SCML2: variants seen among roughly 807,000 people sequenced by gnomAD.
SCML2 encodes Scm polycomb group protein like 2, also known as sex comb on midleg-like protein 2.
Under a neutral mutation model 48.4 loss-of-function variants are expected in SCML2, and 6 were observed. That is an observed-to-expected ratio of 0.12 (90% CI 0.07 to 0.24). The LOEUF (loss-of-function observed/expected upper bound fraction) is 0.24. Ranked by LOEUF, SCML2 falls within the 10% of genes least tolerant of loss-of-function variation. The probability of loss-of-function intolerance (pLI) is 1.00; values close to 1 mark genes in which losing one functional copy is unlikely to be tolerated. For missense variants in SCML2, 377 were observed against 528.2 expected (o/e 0.71, Z 2.81); for synonymous variants, 181 against 189.5 (o/e 0.95, Z 0.37).
At chrX:18,299,517 C>CAAA (rs750111438) in intron 7 of SCML2, among the ~76,000 whole-genome samples, 1 of 89,654 alleles carries the variant, frequency 1.1e-5, no homozygotes, top group Non-Finnish European at 2.2e-5. Context: ...GACTCCGTCT[C>CAAA]AAAAAAAAAA....
intron 6 of SCML2, among the ~76,000 whole-genome samples, chrX:18,313,747 T>C (rs1929032133): frequency 8.9e-6 from 1 of 112,218 alleles, no homozygotes; most frequent in Non-Finnish European, 1.9e-5. Flanking sequence ...TCACTATATG[T>C]TTGTTATTTT....
chrX:18,349,342 C>T (rs1930298795), intron 1 of SCML2, among the ~76,000 whole-genome samples: 1 of 112,447 alleles, frequency 8.9e-6, no homozygotes, highest in South Asian at 3.6e-4. Flanking sequence ...TTACTCACAG[C>T]TTATTCTATA....
chrX:18,279,564 G>A (rs1020068566), intron 7 of SCML2, among the ~76,000 whole-genome samples: 28 of 112,238 alleles, frequency 2.5e-4, no homozygotes, highest in Middle Eastern at 4.6e-3. Flanking sequence ...ATCCGGATGC[G>A]CAAGGAGGCT....
At position 18,239,887 on chromosome X, in the gene SCML2, CAGG is replaced by C. The variant is rs1301360808; in HGVS notation, c.*1361_*1363del. 1 of 111,625 alleles carries C rather than the reference CAGG, an allele frequency of 9.0e-6. No homozygotes were observed. Among genetic ancestry groups the C allele is most frequent in the Non-Finnish European group, 1.9e-5 (1 of 53,185 alleles). The allele number at this position is 111,625 out of a possible 1,213,427, so 9.2% of individuals were successfully genotyped here. A position where few individuals can be genotyped will look rare whatever the true frequency, so the allele number is the denominator to read the frequency against. On this transcript the variant is annotated 3_prime_UTR_variant, in exon 15 of 15. Coordinates refer to ENST00000251900, the MANE Select transcript of SCML2 (RefSeq NM_006089.3). ...TGGTGCATTCCTGTAATCGCTGAGGCAGGAGAATTGCTTGAACCAGGGAGGCGA... is the reference window on the plus strand; with the variant it reads ...TGGTGCATTCCTGTAATCGCTGAGGCAGAATTGCTTGAACCAGGGAGGCGA...
intron 7 of SCML2, among the ~76,000 whole-genome samples, chrX:18,290,861 C>T (rs2147509062): frequency 9.0e-6 from 1 of 111,170 alleles, no homozygotes; most frequent in Non-Finnish European, 1.9e-5. Context: ...CTGGATTATC[C>T]TGTCTTGCTC....
At chrX:18,290,532 T>C (rs1270228206) in intron 7 of SCML2, among the ~76,000 whole-genome samples, 4 of 111,331 alleles carry the variant, frequency 3.6e-5, no homozygotes, top group Non-Finnish European at 5.6e-5. Context: ...CAGACCAGTG[T>C]AGGTCATTAA....
intron 1 of SCML2, among the ~76,000 whole-genome samples, chrX:18,344,142 C>T (rs1174963362): frequency 1.8e-5 from 2 of 108,740 alleles, no homozygotes; most frequent in African/African-American, 6.7e-5. Flanking sequence ...AAGACCAGCC[C>T]GGGCAACATA....
intron 13 of SCML2, among the ~76,000 whole-genome samples, chrX:18,243,815 T>C (rs1356138259): frequency 1.8e-5 from 2 of 112,027 alleles, no homozygotes; most frequent in Non-Finnish European, 3.8e-5. Context: ...CTTAACTCCC[T>C]AAAGTTAGTG....
chrX:18,276,096 C>T (rs757995696), intron 7 of SCML2, among the ~76,000 whole-genome samples: 24 of 111,569 alleles, frequency 2.2e-4, no homozygotes, highest in East Asian at 5.6e-4. Context: ...GTCAGGAGTT[C>T]GAGATCAGCC....
In SCML2 at chrX:18,324,040, A is replaced by C; in HGVS notation, c.216T>G (p.Arg72=). The part of the protein sequence containing the change: ...DFKVGMKLEA[R]DPRNATSVCI... The stretch of plus-strand genomic sequence containing the variant: ...ATACTGAAGTGGCATTGCGAGGGTC[A>C]CGGGCTTCCAATTTCATACCAACTT... The change falls in exon 5 of 15, where the codon CGT becomes CGG. Residue 72 remains arginine (R), a synonymous_variant. Transcript: ENST00000251900. The C allele has an allele frequency of 8.3e-7, 1 of 1,210,831 alleles. No individual in the cohort carries two copies.
chrX:18,322,684 A>T (rs1222076591), intron 5 of SCML2, among the ~76,000 whole-genome samples: 1 of 111,379 alleles, frequency 9.0e-6, no homozygotes, highest in Non-Finnish European at 1.9e-5. Context: ...ACCTGAGGTC[A>T]GGAGTTTGAG....
At chrX:18,285,114 A>G (rs1460585988) in intron 7 of SCML2, among the ~76,000 whole-genome samples, 2 of 111,077 alleles carry the variant, frequency 1.8e-5, no homozygotes, top group Admixed American at 9.6e-5. Flanking sequence ...TGGTGGGGAC[A>G]TAAATTAGTT....
At chrX:18,307,319 G>T (rs1488124095) in intron 6 of SCML2, among the ~76,000 whole-genome samples, 3 of 111,227 alleles carry the variant, frequency 2.7e-5, no homozygotes, top group African/African-American at 9.8e-5. Context: ...AAGCTGGCAA[G>T]TCAAAAGGTA....
At chrX:18,263,722 G>A (rs1458179520) in intron 8 of SCML2, among the ~76,000 whole-genome samples, 1 of 110,558 alleles carries the variant, frequency 9.0e-6, no homozygotes, top group East Asian at 2.8e-4. Flanking sequence ...CTTTATTAAG[G>A]TATAATTGAC....
intron 5 of SCML2, among the ~76,000 whole-genome samples, chrX:18,321,582 CAG>C (rs1423456906): frequency 2.7e-4 from 23 of 84,346 alleles, no homozygotes; most frequent in African/African-American, 1.1e-3. Context: ...TTAATCTGAC[CAG>C]AGACACAATT....
intron 1 of SCML2, among the ~76,000 whole-genome samples, chrX:18,352,633 C>T (rs761994559): frequency 4.5e-4 from 50 of 111,833 alleles, no homozygotes; most frequent in Non-Finnish European, 7.1e-4. Context: ...AATTAGCACA[C>T]GTAGTGGGCT....
chrX:18,316,215 C>T (rs765886493), intron 6 of SCML2, among the ~76,000 whole-genome samples: 4 of 111,827 alleles, frequency 3.6e-5, no homozygotes, highest in African/African-American at 1.3e-4. Context: ...ATGGTGAAAC[C>T]CTGTCTCTAC....
intron 6 of SCML2, among the ~76,000 whole-genome samples, chrX:18,316,588 T>TA (rs1177791184): frequency 1.8e-5 from 2 of 112,215 alleles, no homozygotes. Flanking sequence ...TATTCAATGT[T>TA]AGTGAAGGTG....
intron 7 of SCML2, among the ~76,000 whole-genome samples, chrX:18,284,562 AAAAT>A (rs1042143852): frequency 8.9e-6 from 1 of 112,193 alleles, no homozygotes; most frequent in Non-Finnish European, 1.9e-5. Flanking sequence ...CAACAAGCAA[AAAAT>A]AAATAACCCC....
Sources: gnomAD v4.1 joint callset for allele counts (sites outside exome capture counted in the v4.1 genomes callset) on GRCh38, gnomAD v4.1.1 for gene constraint, MANE v1.5 for transcripts, NCBI Gene and HGNC (gene_info 2026-07-23, HGNC 2026-07-21) for gene names.